ITSN2: variants seen among roughly 807,000 people sequenced by gnomAD.
ITSN2 encodes intersectin-2.
ITSN2 carries 156 observed loss-of-function variants against 243.7 expected under a neutral mutation model. The observed-to-expected ratio is 0.64, with a 90% CI of 0.56 to 0.73. ITSN2 has a LOEUF of 0.73. Ranked by LOEUF, ITSN2 falls within the 30% of genes least tolerant of loss-of-function variation. The pLI is 0.00. For missense variants in ITSN2, 1,801 were observed against 1,996.1 expected (o/e 0.90, Z 1.86); for synonymous variants, 703 against 699.9 (o/e 1.00, Z -0.07).
chr2:24,202,968 T>A lies in ITSN2; in HGVS notation c.*658A>T, dbSNP rs1279169704. On this transcript the variant is annotated 3_prime_UTR_variant, in exon 40 of 40. Transcript: ENST00000355123. The stretch of plus-strand genomic sequence containing the variant: ...AATATGCAAAAACAATGAATTTACA[T>A]AAATAATTTATACTTCAGAAAATTA... 1 of 152,650 alleles carries A rather than the reference T, an allele frequency of 6.6e-6. No homozygotes were observed. The highest frequency in any genetic ancestry group is 1.5e-5 in the Non-Finnish European group (1 of 68,042). 9.5% of individuals were successfully genotyped at this position (152,650 alleles called of 1,614,324 possible). A position where few individuals can be genotyped will look rare whatever the true frequency, so the allele number is the denominator to read the frequency against.
At chr2:24,309,358 A>T (rs2151728322) in intron 7 of ITSN2, among the ~76,000 whole-genome samples, 1 of 152,130 alleles carries the variant, frequency 6.6e-6, no homozygotes, top group East Asian at 1.9e-4. Context: ...ACGCCCGGCT[A>T]ATTTTTTTGT....
chr2:24,231,978 T>C (rs529782020), intron 29 of ITSN2, among the ~76,000 whole-genome samples: 56 of 152,346 alleles, frequency 3.7e-4, no homozygotes, highest in Non-Finnish European at 5.6e-4. Context: ...TGCCTTTTTA[T>C]TGAAGTTTTA....
intron 15 of ITSN2, among the ~76,000 whole-genome samples, chr2:24,288,214 A>G (rs768656829): frequency 2.0e-5 from 3 of 152,068 alleles, no homozygotes; most frequent in Non-Finnish European, 4.4e-5. Context: ...ATAAGGCTCC[A>G]ATTTCATTCT....
Position 24,312,492 on chromosome 2 carries a change from C to T in ITSN2, c.189-117G>A, listed in dbSNP as rs114245015. On this transcript the variant is annotated intron_variant, in intron 4 of 39. Coordinates refer to ENST00000355123, the MANE Select transcript of ITSN2 (RefSeq NM_006277.3). ...TATGGCATTCACGTGTACATCATCACTAAATTTAAAATATCTAACATGTAA... is the reference window on the plus strand; with the variant it reads ...TATGGCATTCACGTGTACATCATCATTAAATTTAAAATATCTAACATGTAA... The T allele has an allele frequency of 2.4e-3, 1,413 of 591,172 alleles. 14 individuals carry two copies. The African/African-American group carries it at 0.025, about 11-fold the overall frequency. 36.6% of individuals were successfully genotyped at this position (591,172 alleles called of 1,614,324 possible). A position where few individuals can be genotyped will look rare whatever the true frequency, so the allele number is the denominator to read the frequency against.
intron 20 of ITSN2, among the ~76,000 whole-genome samples, chr2:24,269,789 C>T (rs529795625): frequency 3.3e-5 from 5 of 152,278 alleles, no homozygotes; most frequent in South Asian, 2.1e-4. Flanking sequence ...TGACCAAACA[C>T]GCCCAGAGAT....
intron 29 of ITSN2, among the ~76,000 whole-genome samples, chr2:24,244,020 T>TC (rs553535751): frequency 3.0e-4 from 45 of 152,336 alleles, no homozygotes; most frequent in African/African-American, 9.4e-4. Context: ...GGTATCTCTC[T>TC]CAACTACAGG....
rs1294806839 is a variant in ITSN2, at chr2:24,261,137, G to C, written c.2651C>G (p.Ser884Cys). The C allele has an allele frequency of 6.2e-7, 1 of 1,613,764 alleles. No individual in the cohort carries two copies. Among genetic ancestry groups the C allele is most frequent in the South Asian group, 1.1e-5 (1 of 91,072 alleles). Residue 884 changes from serine (S) to cysteine (C), a missense_variant, in exon 22 of 40, where the codon TCC (serine) becomes TGC (cysteine). Physicochemically the swap from Ser to Cys is moderately radical, Grantham distance 112. Transcript: ENST00000355123. ...ATGAATAGGTGATACAGATCCAGGG[G>C]ACACAGTTCGAGTGAAGGCTGATTT... is the stretch of plus-strand genomic sequence containing the variant. ...QKKSAFTRTVSPGSVSPIHGQ... is the reference protein window; with the variant it reads ...QKKSAFTRTVCPGSVSPIHGQ...
At chr2:24,243,672 T>C (rs573322069) in intron 29 of ITSN2, among the ~76,000 whole-genome samples, 2 of 152,246 alleles carry the variant, frequency 1.3e-5, no homozygotes, top group Admixed American at 6.5e-5. Context: ...TCTCCCTATA[T>C]TGACGATCAG....
At chr2:24,253,665 G>A (rs1674647784) in intron 24 of ITSN2, among the ~76,000 whole-genome samples, 1 of 152,104 alleles carries the variant, frequency 6.6e-6, no homozygotes, top group South Asian at 2.1e-4. Context: ...TGAGCACTTT[G>A]GAAACTTTTA....
At chr2:24,266,165 T>C (rs1397528391) in intron 20 of ITSN2, among the ~76,000 whole-genome samples, 1 of 152,244 alleles carries the variant, frequency 6.6e-6, no homozygotes, top group Admixed American at 6.5e-5. Context: ...TTGTTTTTCC[T>C]TCATTCTCTG....
At chr2:24,315,249 T>C (rs780449629) in intron 2 of ITSN2, 25 bp from the exon 3 acceptor site, 19 of 1,320,402 alleles carry the variant, frequency 1.4e-5, no homozygotes, top group South Asian at 3.6e-5. Flanking sequence ...GAAGAAACTA[T>C]AGTGTATACA....
rs751178804 is a variant in ITSN2, at chr2:24,271,191, T to C, written c.2258-423A>G. On this transcript the variant is annotated intron_variant, in intron 19 of 39. Transcript: ENST00000355123. The stretch of plus-strand genomic sequence containing the variant: ...AGAATAGCAAGTTAACAGGGATGGC[T>C]GAAGAAAAATCTATACATCTATCAG... Among the ~76,000 whole-genome samples, 39 of 152,132 alleles carry C rather than the reference T, an allele frequency of 2.6e-4. 1 individual carries two copies. The highest frequency in any genetic ancestry group is 4.0e-4 in the Non-Finnish European group (27 of 68,020).
intron 37 of ITSN2, chr2:24,205,512 C>T (rs772607050): frequency 2.3e-4 from 113 of 500,392 alleles, no homozygotes; most frequent in African/African-American, 1.0e-3. Context: ...TTTCTCTGCC[C>T]GTCAGCATCC....
In ITSN2 at chr2:24,302,076, C is replaced by G; in HGVS notation, c.884G>C (p.Gly295Ala). Residue 295 changes from glycine to alanine, a missense_variant, in exon 10 of 40, where the codon GGA becomes GCA. This residue lies in a region of ITSN2 where 787 missense variants were observed against 803.9 expected (regional missense o/e 0.98). Coordinates refer to ENST00000355123, the MANE Select transcript of ITSN2 (RefSeq NM_006277.3). ...AATAAACTCTTCTGCTTTTAGCTGT[C>G]CATCACCATCAACGTCAGCCAGAGT... ...IWTLADVDGD[G>A]QLKAEEFILA... The G allele has an allele frequency of 6.2e-7, 1 of 1,610,260 alleles. No individual in the cohort carries two copies. The highest frequency in any genetic ancestry group is 1.3e-5 in the African/African-American group (1 of 74,764).
intron 29 of ITSN2, among the ~76,000 whole-genome samples, chr2:24,223,171 G>A (rs1670645137): frequency 6.6e-6 from 1 of 152,300 alleles, no homozygotes; most frequent in African/African-American, 2.4e-5. Context: ...GCAGAGCGAA[G>A]GCGCACCCTG....
At chr2:24,291,334 G>A (rs1364930032) in intron 15 of ITSN2, among the ~76,000 whole-genome samples, 1 of 152,006 alleles carries the variant, frequency 6.6e-6, no homozygotes, top group African/African-American at 2.4e-5. Flanking sequence ...TCACCGCATT[G>A]GCCAGGCTGG....
At chr2:24,220,472 T>C (rs778664174) in intron 30 of ITSN2, 13 of 991,896 alleles carry the variant, frequency 1.3e-5, no homozygotes, top group South Asian at 4.7e-5. Context: ...TATGCTCCCA[T>C]TGGGTTTTCC....
chr2:24,332,505 ATCTT>A (rs1242238723), intron 1 of ITSN2, among the ~76,000 whole-genome samples: 2 of 152,208 alleles, frequency 1.3e-5, no homozygotes, highest in Non-Finnish European at 2.9e-5. Context: ...GTATTACAGA[ATCTT>A]TATCATCTGG....
intron 1 of ITSN2, among the ~76,000 whole-genome samples, chr2:24,335,946 TAA>T (rs1446499450): frequency 6.6e-6 from 1 of 150,612 alleles, no homozygotes. Context: ...GCTCTGTTCT[TAA>T]AAGTTTCCCT....
Sources: gnomAD v4.1 joint callset for allele counts (sites outside exome capture counted in the v4.1 genomes callset) on GRCh38, gnomAD v4.1.1 for gene constraint, gnomAD v4.1.1 regional missense constraint, MANE v1.5 for transcripts, NCBI Gene and HGNC (gene_info 2026-07-23, HGNC 2026-07-21) for gene names.